PDE4D: variants seen among roughly 807,000 people sequenced by gnomAD.
PDE4D encodes phosphodiesterase 4D.
In PDE4D, 24 loss-of-function variants were observed where a neutral mutation model predicts 87.4. The ratio of observed to expected loss-of-function variants is 0.27; its 90% CI spans 0.20 to 0.39. PDE4D has a LOEUF of 0.39. Among genes scored for constraint, PDE4D ranks in the 10% least tolerant of loss-of-function variants. The probability of loss-of-function intolerance (pLI) is 1.00; values close to 1 mark genes in which losing one functional copy is unlikely to be tolerated. For missense variants in PDE4D, 714 were observed against 1,041.0 expected, an observed-to-expected ratio of 0.69 and a Z score of 4.32; for synonymous variants, 384 against 383.2, an observed-to-expected ratio of 1.00 and a Z score of -0.02.
chr5:60,470,724 C>T (rs1323965992), intron 1 of PDE4D, among the ~76,000 whole-genome samples: 1 of 152,042 alleles, frequency 6.6e-6, no homozygotes, highest in Non-Finnish European at 1.5e-5. Flanking sequence ...GATGACAGCA[C>T]ATCTGTTTAA....
rs111856324 is a variant in PDE4D at position 60,343,340 on chromosome 5, G to T, written c.-90+144602C>A. Among the ~76,000 whole-genome samples, 8 of 152,248 alleles carry T rather than the reference G, an allele frequency of 5.3e-5. 1 individual carries two copies. Among genetic ancestry groups the T allele is most frequent in the African/African-American group, 1.9e-4 (8 of 41,546 alleles). On this transcript the variant is annotated intron_variant, in intron 1 of 16. Coordinates refer to the PDE4D transcript ENST00000502484. ...TGAAATGACTAGCAACCTGACCACA[G>T]CAGGGCCCGGAAAAGGGCTGTAATT...
chr5:59,243,767 T>G (rs767638000), intron 1 of PDE4D, among the ~76,000 whole-genome samples: 6 of 152,058 alleles, frequency 3.9e-5, no homozygotes, highest in Non-Finnish European at 8.8e-5. Context: ...TTTTTTTATA[T>G]GTAGGCTTAA....
chr5:60,456,265 G>A (rs1746460794), intron 1 of PDE4D, among the ~76,000 whole-genome samples: 2 of 152,198 alleles, frequency 1.3e-5, no homozygotes, highest in South Asian at 4.1e-4. Flanking sequence ...TGGCTCTGCA[G>A]AATCGTCTCC....
At chr5:59,405,965 C>T (rs1028268290) in intron 1 of PDE4D, among the ~76,000 whole-genome samples, 2 of 152,138 alleles carry the variant, frequency 1.3e-5, no homozygotes, top group African/African-American at 4.8e-5. Context: ...CATAAATGTT[C>T]ATTGGGAGTA....
At chr5:59,327,763 A>G (rs1775982938) in intron 1 of PDE4D, among the ~76,000 whole-genome samples, 1 of 152,210 alleles carries the variant, frequency 6.6e-6, no homozygotes, top group South Asian at 2.1e-4. Flanking sequence ...TTGAAATACT[A>G]GAAAGAATGT....
chr5:59,082,270 A>G (rs1397063528), intron 5 of PDE4D, among the ~76,000 whole-genome samples: 1 of 152,184 alleles, frequency 6.6e-6, no homozygotes, highest in Non-Finnish European at 1.5e-5. Flanking sequence ...TTCGACATCT[A>G]TAATTAACAA....
intron 2 of PDE4D, among the ~76,000 whole-genome samples, chr5:60,060,972 T>G (rs1476393728): frequency 1.3e-5 from 2 of 152,046 alleles, no homozygotes; most frequent in Non-Finnish European, 2.9e-5. Context: ...ACAGCCAATA[T>G]CATACTGAAT....
chr5:59,616,334 T>G (rs1829662506), intron 1 of PDE4D, among the ~76,000 whole-genome samples: 2 of 152,198 alleles, frequency 1.3e-5, no homozygotes. Flanking sequence ...TTATTTCACT[T>G]TATGTACATG....
intron 1 of PDE4D, among the ~76,000 whole-genome samples, chr5:60,500,528 C>T (rs1352358817): frequency 1.3e-5 from 2 of 152,158 alleles, no homozygotes; most frequent in South Asian, 2.1e-4. Flanking sequence ...AATTTATATT[C>T]ATCAGTATGA....
intron 1 of PDE4D, among the ~76,000 whole-genome samples, chr5:59,219,713 T>C (rs2153508411): frequency 6.6e-6 from 1 of 152,328 alleles, no homozygotes; most frequent in South Asian, 2.1e-4. Context: ...AGGTGGCATC[T>C]GTATTAAATA....
At chr5:59,997,636 T>C (rs1763634035) in intron 2 of PDE4D, among the ~76,000 whole-genome samples, 1 of 152,226 alleles carries the variant, frequency 6.6e-6, no homozygotes, top group Non-Finnish European at 1.5e-5. Flanking sequence ...GAAATGTTGC[T>C]TTGCTTTTGG....
intron 1 of PDE4D, among the ~76,000 whole-genome samples, chr5:59,395,136 C>T (rs1462511527): frequency 6.6e-6 from 1 of 151,750 alleles, no homozygotes; most frequent in Non-Finnish European, 1.5e-5. Flanking sequence ...AACTGCAAGG[C>T]AGCGGCGAGG....
intron 1 of PDE4D, among the ~76,000 whole-genome samples, chr5:59,398,493 C>G (rs1274416240): frequency 0.028 from 3,366 of 121,726 alleles, 101 homozygotes; most frequent in Middle Eastern, 0.066. Flanking sequence ...ATGATTATCT[C>G]AATAGATGCA....
At chr5:60,063,378 G>A (rs1771710594) in intron 2 of PDE4D, among the ~76,000 whole-genome samples, 1 of 152,136 alleles carries the variant, frequency 6.6e-6, no homozygotes, top group African/African-American at 2.4e-5. Flanking sequence ...GTAGCATCAA[G>A]AAGGATGTTT....
chr5:59,714,522 G>A (rs1418228867), intron 1 of PDE4D, among the ~76,000 whole-genome samples: 1 of 152,222 alleles, frequency 6.6e-6, no homozygotes, highest in East Asian at 1.9e-4. Context: ...CACCAGCGCT[G>A]ATATATTCTG....
intron 1 of PDE4D, among the ~76,000 whole-genome samples, chr5:59,481,960 C>T (rs796798257): frequency 9.2e-5 from 14 of 152,158 alleles, no homozygotes; most frequent in African/African-American, 3.4e-4. Context: ...TGCATACCTT[C>T]CCCACTGCAG....
intron 1 of PDE4D, among the ~76,000 whole-genome samples, chr5:59,865,348 C>A (rs1020384749): frequency 6.6e-6 from 1 of 152,096 alleles, no homozygotes; most frequent in Non-Finnish European, 1.5e-5. Context: ...TGTAAATATT[C>A]ACAATAACTT....
intron 3 of PDE4D, among the ~76,000 whole-genome samples, chr5:59,976,301 C>G (rs1170983892): frequency 6.6e-6 from 1 of 152,078 alleles, no homozygotes; most frequent in Non-Finnish European, 1.5e-5. Flanking sequence ...TATTTATACC[C>G]TCCAAATCTC....
At chr5:59,861,110 A>G (rs1015207885) in intron 1 of PDE4D, among the ~76,000 whole-genome samples, 1 of 150,616 alleles carries the variant, frequency 6.6e-6, no homozygotes, top group Admixed American at 6.6e-5. Flanking sequence ...ACCTCTGGTG[A>G]TCCACCCGCC....
Sources: gnomAD v4.1 joint callset for allele counts (sites outside exome capture counted in the v4.1 genomes callset) on GRCh38, gnomAD v4.1.1 for gene constraint, MANE v1.5 for transcripts, NCBI Gene and HGNC (gene_info 2026-07-23, HGNC 2026-07-21) for gene names.